NFAT5: variants seen among roughly 807,000 people sequenced by gnomAD.
NFAT5 encodes nuclear factor of activated T cells 5.
In NFAT5, 31 loss-of-function variants were observed where a neutral mutation model predicts 166.5. That is an observed-to-expected ratio of 0.19 (90% CI 0.14 to 0.25). The LOEUF (loss-of-function observed/expected upper bound fraction) is 0.25. NFAT5 is among the 10% of genes least tolerant of loss of function. The pLI, the probability that NFAT5 is intolerant of heterozygous loss-of-function variation, is 1.00. For synonymous variants in NFAT5, 612 were observed against 639.7 expected, an observed-to-expected ratio of 0.96 and a Z score of 0.65; for missense variants, 1,449 against 1,821.8, an observed-to-expected ratio of 0.80 and a Z score of 3.72.
chr16:69,686,055 G>A (rs949029407), intron 11 of NFAT5: 1 of 143,092 alleles, frequency 7.0e-6, no homozygotes. Flanking sequence ...AAAAAAGAAA[G>A]AAAGAAAAAT....
intron 2 of NFAT5, among the ~76,000 whole-genome samples, chr16:69,575,457 T>G (rs2016693478): frequency 6.6e-6 from 1 of 152,020 alleles, no homozygotes; most frequent in African/African-American, 2.4e-5. Context: ...TGTGAGCCAT[T>G]GGGCCTGGCT....
At chr16:69,681,777 G>C (rs2037069233) in intron 10 of NFAT5, among the ~76,000 whole-genome samples, 2 of 152,150 alleles carry the variant, frequency 1.3e-5, no homozygotes, top group African/African-American at 4.8e-5. Flanking sequence ...AATTAGCCAG[G>C]TGTGGTGGCA....
chr16:69,641,574 T>G (rs893167005), intron 3 of NFAT5, among the ~76,000 whole-genome samples: 1 of 152,182 alleles, frequency 6.6e-6, no homozygotes, highest in Non-Finnish European at 1.5e-5. Flanking sequence ...AAGGTATTTC[T>G]TTCTTTTGAG....
chr16:69,650,982 AT>A (rs2035640693), intron 4 of NFAT5, among the ~76,000 whole-genome samples: 1 of 152,202 alleles, frequency 6.6e-6, no homozygotes, highest in Admixed American at 6.5e-5. Context: ...TTTACTGCCC[AT>A]TGTTCCAGCT....
chr16:69,619,178 A>G (rs1218201427), intron 2 of NFAT5, among the ~76,000 whole-genome samples: 1 of 152,212 alleles, frequency 6.6e-6, no homozygotes. Context: ...GTTGAACACC[A>G]AATGCCAGCT....
chr16:69,572,705 G>GA (rs957872026), intron 2 of NFAT5, among the ~76,000 whole-genome samples: 1 of 151,904 alleles, frequency 6.6e-6, no homozygotes, highest in African/African-American at 2.4e-5. Context: ...AAACAAATTG[G>GA]AAAAATAGAT....
intron 4 of NFAT5, chr16:69,648,205 C>T (rs920416355): frequency 3.1e-6 from 3 of 983,496 alleles, no homozygotes; most frequent in African/African-American, 1.8e-5. Flanking sequence ...AAAAAAAAAC[C>T]GAAAGAACTA....
chr16:69,626,382 C>G, intron 2 of NFAT5, 21 bp from the exon 3 acceptor site: 1 of 1,543,588 alleles, frequency 6.5e-7, no homozygotes, highest in Non-Finnish European at 8.7e-7. Flanking sequence ...TTGTTTTCTC[C>G]TCTCTTTCCC....
chr16:69,566,482 G>C lies in NFAT5; in HGVS notation c.73+108G>C, dbSNP rs918418919. The stretch of plus-strand genomic sequence containing the variant: ...CCGTCCCGCCGGGGGCGGCTGAGCC[G>C]CGACCCCCATGGCTTCTTTGGCCGG... On this transcript the variant is annotated intron_variant, in intron 1 of 14. Transcript: ENST00000349945. This position sits in a 1 kb window ranked among gnomAD's most constrained non-coding sequence, Gnocchi z 5.7. 1.1e-6 allele frequency: 1 copy of C among 951,332 alleles called. No homozygotes were observed. The highest frequency in any genetic ancestry group is 1.6e-6 in the Non-Finnish European group (1 of 612,284). 58.9% of individuals were successfully genotyped at this position (951,332 alleles called of 1,614,324 possible). A position where few individuals can be genotyped will look rare whatever the true frequency, so the allele number is the denominator to read the frequency against.
At chr16:69,649,882 C>A (rs899981356) in intron 4 of NFAT5, among the ~76,000 whole-genome samples, 1 of 151,482 alleles carries the variant, frequency 6.6e-6, no homozygotes, top group African/African-American at 2.4e-5. Context: ...CTTCAAGATA[C>A]CACATAGAAA....
At chr16:69,691,175 T>C in intron 12 of NFAT5, 87 bp downstream of exon 12, 1 of 1,226,400 alleles carries the variant, frequency 8.2e-7, no homozygotes, top group South Asian at 2.2e-5. Context: ...ATTTTTACTT[T>C]GGATGCACTT....
chr16:69,670,444 T>A (rs1403482154), intron 9 of NFAT5, among the ~76,000 whole-genome samples, 156 bp downstream of exon 9: 2 of 152,232 alleles, frequency 1.3e-5, no homozygotes, highest in African/African-American at 2.4e-5. Context: ...TTAACTGAAA[T>A]AGAATTATTT....
chr16:69,619,923 T>A (rs1167625628), intron 2 of NFAT5, among the ~76,000 whole-genome samples: 2 of 152,206 alleles, frequency 1.3e-5, no homozygotes, highest in South Asian at 4.1e-4. Context: ...CTACTTTAAA[T>A]TTGACCCACT....
intron 11 of NFAT5, among the ~76,000 whole-genome samples, chr16:69,689,617 C>T (rs1320784207): frequency 2.0e-5 from 3 of 152,242 alleles, no homozygotes; most frequent in African/African-American, 7.2e-5. Context: ...GATCTCAGCT[C>T]ATTGCAACCA....
At position 69,701,870 on chromosome 16, in the gene NFAT5, C is replaced by CA. The variant is rs1229243147; in HGVS notation, c.*5524dup. 5 of 152,060 alleles carry CA rather than the reference C, an allele frequency of 3.3e-5. No individual in the cohort carries two copies. The highest frequency in any genetic ancestry group is 1.2e-4 in the African/African-American group (5 of 41,396). The allele number at this position is 152,060 out of a possible 1,614,324, so 9.4% of individuals were successfully genotyped here. ...TCTATCCTCAGTTAATTTACCTAGACAAAAAGTGTCAAAGGAAATGAGAAA... is the reference window on the plus strand; with the variant it reads ...TCTATCCTCAGTTAATTTACCTAGACAAAAAAGTGTCAAAGGAAATGAGAAA... On this transcript the variant is annotated 3_prime_UTR_variant, in exon 15 of 15. Coordinates refer to ENST00000349945, the MANE Select transcript of NFAT5 (RefSeq NM_138713.4).
At chr16:69,591,727 G>A (rs1214421646) in intron 2 of NFAT5, among the ~76,000 whole-genome samples, 1 of 152,086 alleles carries the variant, frequency 6.6e-6, no homozygotes, top group African/African-American at 2.4e-5. Context: ...TTCAGAAATT[G>A]AAAGTTGGCT....
intron 6 of NFAT5, 124 bp downstream of exon 6, chr16:69,655,923 A>C (rs2035857754): frequency 6.0e-6 from 4 of 667,318 alleles, no homozygotes; most frequent in African/African-American, 5.6e-5. Context: ...ATTATGAATA[A>C]AAAAAGACAT....
intron 2 of NFAT5, among the ~76,000 whole-genome samples, chr16:69,582,428 T>G (rs542183956): frequency 6.6e-6 from 1 of 152,160 alleles, no homozygotes; most frequent in African/African-American, 2.4e-5. Flanking sequence ...TTAAAAACTA[T>G]TGCCTAGCCC....
chr16:69,575,587 C>A (rs1297529317), intron 2 of NFAT5, among the ~76,000 whole-genome samples: 5 of 151,852 alleles, frequency 3.3e-5, no homozygotes, highest in African/African-American at 1.2e-4. Flanking sequence ...CACTGCACTC[C>A]AGCCTGGGCA....
Sources: gnomAD v4.1 joint callset for allele counts (sites outside exome capture counted in the v4.1 genomes callset) on GRCh38, gnomAD v4.1.1 for gene constraint, Gnocchi (gnomAD v3.1) non-coding constraint, MANE v1.5 for transcripts, NCBI Gene and HGNC (gene_info 2026-07-23, HGNC 2026-07-21) for gene names.